The following FSTL4 variants were observed in gnomAD, a reference collection of about 807,000 sequenced individuals.
The protein encoded by FSTL4 is follistatin-related protein 4.
FSTL4 carries 28 observed loss-of-function variants against 78.2 expected under a neutral mutation model. The ratio of observed to expected loss-of-function variants is 0.36; its 90% confidence interval spans 0.27 to 0.49. FSTL4 has a LOEUF of 0.49. Ranked by LOEUF, FSTL4 falls within the 20% of genes least tolerant of loss-of-function variation. FSTL4 has a pLI of 0.98. For synonymous variants in FSTL4, 422 were observed against 440.5 expected (o/e 0.96, Z 0.53); for missense variants, 922 against 1,084.9 (o/e 0.85, Z 2.11).
chr5:133,210,118 G>C, intron 14 of FSTL4, 73 bp downstream of exon 14: 1 of 799,114 alleles, frequency 1.3e-6, no homozygotes, highest in Non-Finnish European at 2.2e-6. Context: ...GGAAGCAGGA[G>C]ATACTTATTT....
chr5:133,327,475 G>A (rs377377974), intron 4 of FSTL4, among the ~76,000 whole-genome samples: 2 of 152,320 alleles, frequency 1.3e-5, no homozygotes, highest in Admixed American at 6.5e-5. Flanking sequence ...GAGCTGACTG[G>A]CTCTCAGGAG....
At chr5:133,445,245 T>C (rs1468543817) in intron 3 of FSTL4, among the ~76,000 whole-genome samples, 1 of 152,238 alleles carries the variant, frequency 6.6e-6, no homozygotes, top group Non-Finnish European at 1.5e-5. Context: ...AAAGCCTTAC[T>C]GGTGAGGGTC....
intron 4 of FSTL4, among the ~76,000 whole-genome samples, chr5:133,385,011 A>G (rs906128875): frequency 5.3e-5 from 8 of 152,028 alleles, no homozygotes; most frequent in African/African-American, 1.9e-4. Flanking sequence ...CCCCTTTTGG[A>G]GGCCTCCCTG....
At chr5:133,363,842 A>G (rs887317071) in intron 4 of FSTL4, among the ~76,000 whole-genome samples, 2 of 152,102 alleles carry the variant, frequency 1.3e-5, no homozygotes, top group African/African-American at 4.8e-5. Flanking sequence ...CTGTCTTTCC[A>G]TCAGCCTTAA....
rs916470632 is a variant in FSTL4 at position 133,199,698 on chromosome 5, G to A, written c.1926C>T (p.Cys642=). 13 of 1,612,868 alleles carry A rather than the reference G, an allele frequency of 8.1e-6. No individual in the cohort carries two copies. Among genetic ancestry groups the A allele is most frequent in the South Asian group, 5.5e-5 (5 of 90,992 alleles). The change falls in exon 16 of 16, where the codon TGC becomes TGT. Residue 642 remains cysteine (C), a synonymous_variant. Coordinates refer to ENST00000265342, the MANE Select transcript of FSTL4 (RefSeq NM_015082.2). This position sits in a 1 kb window ranked among gnomAD's most constrained non-coding sequence, Gnocchi z 4.4. ...LKTIGLHHHG[C]VPQAMAHTHL... ...GGGTGTGTGCCATGGCCTGGGGCAC[G>A]CAGCCATGGTGGTGCAGGCCGATGG...
chr5:133,490,955 TG>T (rs1239250559), intron 3 of FSTL4, among the ~76,000 whole-genome samples: 1 of 152,054 alleles, frequency 6.6e-6, no homozygotes, highest in East Asian at 1.9e-4. Context: ...TACTTGAGGG[TG>T]GAGTTCAGAT....
At chr5:133,510,219 G>A (rs931785425) in intron 3 of FSTL4, among the ~76,000 whole-genome samples, 8 of 152,138 alleles carry the variant, frequency 5.3e-5, no homozygotes, top group Non-Finnish European at 1.0e-4. Flanking sequence ...ATGGAACCTC[G>A]TTGCCTTACC....
the FSTL4 span, among the ~76,000 whole-genome samples, chr5:133,744,621 G>A: frequency 0.011 from 1,730 of 152,270 alleles, 17 homozygotes; most frequent in African/African-American, 0.029. Flanking sequence ...TTCCCTGGAA[G>A]CATAATATTA....
chr5:133,738,763 C>T, the FSTL4 span, among the ~76,000 whole-genome samples: 1 of 152,112 alleles, frequency 6.6e-6, no homozygotes, highest in African/African-American at 2.4e-5. Context: ...CATGGACAGC[C>T]AGAAAGACCC....
chr5:133,736,281 C>G, the FSTL4 span, among the ~76,000 whole-genome samples: 2,238 of 152,292 alleles, frequency 0.015, 27 homozygotes, highest in Admixed American at 0.02. Flanking sequence ...AGGTTGTTTT[C>G]AAGTCCAGGA....
At chr5:133,485,458 G>T (rs1301896075) in intron 3 of FSTL4, among the ~76,000 whole-genome samples, 1 of 152,188 alleles carries the variant, frequency 6.6e-6, no homozygotes, top group Non-Finnish European at 1.5e-5. Context: ...TGGGAACATT[G>T]AAAGTGAAAA....
At chr5:133,795,964 T>C in the FSTL4 span, among the ~76,000 whole-genome samples, 3 of 152,192 alleles carry the variant, frequency 2.0e-5, no homozygotes, top group Non-Finnish European at 4.4e-5. Flanking sequence ...CCCTGGCCCC[T>C]TGCTCAGTGT....
At chr5:133,420,954 G>A (rs1756680283) in intron 3 of FSTL4, among the ~76,000 whole-genome samples, 2 of 152,234 alleles carry the variant, frequency 1.3e-5, no homozygotes, top group Non-Finnish European at 2.9e-5. Flanking sequence ...GTGTGGCCCT[G>A]ACTCTCACCT....
intron 4 of FSTL4, among the ~76,000 whole-genome samples, chr5:133,392,369 C>T (rs1030976092): frequency 2.0e-5 from 3 of 151,988 alleles, no homozygotes; most frequent in East Asian, 1.9e-4. Flanking sequence ...GAGGGATCTA[C>T]GGAGAGTCAG....
At chr5:133,452,724 G>A (rs1167566802) in intron 3 of FSTL4, among the ~76,000 whole-genome samples, 1 of 152,260 alleles carries the variant, frequency 6.6e-6, no homozygotes, top group Non-Finnish European at 1.5e-5. Context: ...ATCCAGGAAA[G>A]CAGGAGCTGT....
chr5:133,507,667 C>T (rs1280331097), intron 3 of FSTL4, among the ~76,000 whole-genome samples: 2 of 151,562 alleles, frequency 1.3e-5, no homozygotes, highest in African/African-American at 4.9e-5. Context: ...GGATTACAGG[C>T]GCCCGACACC....
chr5:133,478,449 G>A (rs553281071), intron 3 of FSTL4, among the ~76,000 whole-genome samples: 1 of 149,248 alleles, frequency 6.7e-6, no homozygotes, highest in East Asian at 1.9e-4. Flanking sequence ...AACAGGCGGG[G>A]ATAAATAATG....
chr5:133,235,499 CAAA>C (rs71581361), intron 7 of FSTL4, among the ~76,000 whole-genome samples: 9,740 of 97,476 alleles, frequency 0.1, 1,230 homozygotes, highest in African/African-American at 0.31. Flanking sequence ...ACCCCACCTC[CAAA>C]AAAAAAAAAA....
At chr5:133,487,653 T>C (rs1758164508) in intron 3 of FSTL4, among the ~76,000 whole-genome samples, 1 of 152,068 alleles carries the variant, frequency 6.6e-6, no homozygotes, top group South Asian at 2.1e-4. Flanking sequence ...TAAAGGAGGG[T>C]TGGCCATGGA....
Sources: allele counts gnomAD v4.1 joint callset (sites outside exome capture counted in the v4.1 genomes callset), GRCh38; gene constraint gnomAD v4.1.1; non-coding constraint Gnocchi (gnomAD v3.1); transcripts MANE v1.5; gene names NCBI Gene and HGNC (gene_info 2026-07-23, HGNC 2026-07-21).